Variants in WDR59 observed in about 807,000 individuals in gnomAD.
The protein encoded by WDR59 is WD repeat domain 59.
WDR59 carries 100 observed loss-of-function variants against 131.2 expected under a neutral mutation model. That is an observed-to-expected ratio of 0.76 (90% CI 0.65 to 0.90). WDR59 has a LOEUF of 0.90. Ranked by LOEUF, WDR59 falls within the 40% of genes least tolerant of loss-of-function variation. The probability of loss-of-function intolerance (pLI) is 0.00; values close to 1 mark genes in which losing one functional copy is unlikely to be tolerated. For synonymous variants in WDR59, 601 were observed against 466.2 expected (o/e 1.29, Z -3.72); for missense variants, 1,203 against 1,262.2 (o/e 0.95, Z 0.71).
intron 25 of WDR59, 97 bp downstream of exon 25, chr16:74,885,556 G>T: frequency 2.2e-6 from 3 of 1,348,118 alleles, no homozygotes; most frequent in Admixed American, 2.7e-5. Context: ...GCTTAGAAAT[G>T]AGAAGCTGAA....
intron 5 of WDR59, 106 bp from the exon 6 acceptor site, chr16:74,948,662 T>C: frequency 1.1e-6 from 1 of 939,456 alleles, no homozygotes; most frequent in Non-Finnish European, 1.7e-6. Context: ...CAGTGGGAAC[T>C]TGGAGTAGGT....
intron 1 of WDR59, among the ~76,000 whole-genome samples, chr16:74,979,597 G>A (rs553544378): frequency 1.3e-4 from 19 of 151,506 alleles, no homozygotes; most frequent in African/African-American, 4.6e-4. Context: ...CTGGAGTGCA[G>A]TGGCACGATC....
intron 4 of WDR59, 127 bp downstream of exon 4, chr16:74,951,331 G>A (rs921011779): frequency 1.3e-5 from 12 of 901,088 alleles, no homozygotes; most frequent in East Asian, 5.3e-5. Flanking sequence ...CTAATAACCC[G>A]CTGACCACCC....
chr16:74,959,172 A>C (rs749031391), intron 2 of WDR59, among the ~76,000 whole-genome samples: 2 of 152,190 alleles, frequency 1.3e-5, no homozygotes, highest in African/African-American at 2.4e-5. Context: ...GGGAAGTGGG[A>C]AGTGCTGCAC....
In WDR59 at chr16:74,947,135, G is replaced by T. The variant is rs116362061; in HGVS notation, c.445+1384C>A. On this transcript the variant is annotated intron_variant, in intron 6 of 25. Transcript: ENST00000262144. ...AGGTAGATCAGAATGTAACTACAAA[G>T]ACTTGGTTCATCCATGTTAAACAAC... Among the ~76,000 whole-genome samples, 635 of 152,316 alleles carry T rather than the reference G, an allele frequency of 4.2e-3. 2 individuals carry two copies. The highest frequency in any genetic ancestry group is 0.014 in the African/African-American group (601 of 41,568).
At chr16:74,906,182 C>T (rs898798961) in intron 17 of WDR59, among the ~76,000 whole-genome samples, 17 of 151,420 alleles carry the variant, frequency 1.1e-4, no homozygotes, top group African/African-American at 3.4e-4. Flanking sequence ...GGCGTGGTGG[C>T]GGGCGCCTAT....
intron 9 of WDR59, 100 bp from the exon 10 acceptor site, chr16:74,922,203 T>A: frequency 6.8e-7 from 1 of 1,474,604 alleles, no homozygotes; most frequent in Admixed American, 2.0e-5. Context: ...GTAAAATAAA[T>A]TAGATAATGG....
At position 74,956,466 on chromosome 16, in the gene WDR59, T is replaced by C. The variant is rs1326321602; in HGVS notation, c.240+9A>G. 4.3e-6 allele frequency: 7 copies of C among 1,613,154 alleles called. No individual in the cohort carries two copies. The Admixed American group carries it at 1.0e-4, about 23-fold the overall frequency. On this transcript the variant is annotated intron_variant, in intron 3 of 25. Transcript: ENST00000262144. ...ACAGCATTCTCCTGTATTCCTTAAA[T>C]AAGCTCACCGAAGCCGCAAAATAGT...
intron 4 of WDR59, among the ~76,000 whole-genome samples, chr16:74,950,240 T>A (rs1297708585): frequency 1.3e-5 from 2 of 152,068 alleles, no homozygotes; most frequent in Non-Finnish European, 2.9e-5. Context: ...TACTTGAGAA[T>A]CATTTGAACC....
intron 18 of WDR59, among the ~76,000 whole-genome samples, chr16:74,903,266 C>A (rs1178143440): frequency 6.6e-6 from 1 of 152,248 alleles, no homozygotes; most frequent in Non-Finnish European, 1.5e-5. Flanking sequence ...TTTAAAACAT[C>A]ATGTCAGCTA....
Position 74,887,755 on chromosome 16 carries a change from G to C in WDR59, c.2347C>G (p.Pro783Ala), listed in dbSNP as rs530312789. The change falls in exon 23 of 26, where the codon CCT (proline) becomes GCT (alanine). Residue 783 changes from proline to alanine, a missense_variant and splice_region_variant. Coordinates refer to ENST00000262144, the MANE Select transcript of WDR59 (RefSeq NM_030581.4). ...SNLVVSHSRYPSFTSSGSCSS... is the reference protein window; with the variant it reads ...SNLVVSHSRYASFTSSGSCSS... ...CAGGAACCAGAAGAGGTAAAGCTAG[G>C]CTACAGAAGGGAAGAGAAGAACCAA... 8 of 1,613,862 alleles carry C rather than the reference G, an allele frequency of 5.0e-6. No individual in the cohort carries two copies. In the East Asian group the frequency reaches 1.8e-4, roughly 36 times the overall value.
intron 25 of WDR59, among the ~76,000 whole-genome samples, chr16:74,876,319 A>C (rs918378325): frequency 1.3e-5 from 2 of 152,188 alleles, no homozygotes; most frequent in Non-Finnish European, 2.9e-5. Flanking sequence ...ATTATGTACA[A>C]ACTTTGGTTA....
chr16:74,960,030 G>C (rs2033483110), intron 2 of WDR59, among the ~76,000 whole-genome samples: 1 of 151,970 alleles, frequency 6.6e-6, no homozygotes, highest in Non-Finnish European at 1.5e-5. Flanking sequence ...TGAAAGTAGT[G>C]TTAGAAGCTA....
intron 1 of WDR59, among the ~76,000 whole-genome samples, chr16:74,980,031 T>C (rs766578322): frequency 1.3e-5 from 2 of 151,116 alleles, no homozygotes; most frequent in Non-Finnish European, 2.9e-5. Context: ...ATTGTATTTT[T>C]AGTATTTTTA....
At position 74,968,496 on chromosome 16, in the gene WDR59, G is replaced by A. The variant is rs148320263; in HGVS notation, c.55-2674C>T. Among the ~76,000 whole-genome samples, 457 of 152,204 alleles carry A rather than the reference G, an allele frequency of 3.0e-3. 1 individual carries two copies. Among genetic ancestry groups the A allele is most frequent in the African/African-American group, 4.7e-3 (197 of 41,516 alleles). The stretch of plus-strand genomic sequence containing the variant: ...AGCACTTTGGGAGGCCGAGGCAGGC[G>A]GATCACCTGAGGTAAGGAGTTCAAG... On this transcript the variant is annotated intron_variant, in intron 1 of 25. Transcript: ENST00000262144.
At chr16:74,899,301 A>G (rs958869008) in intron 18 of WDR59, among the ~76,000 whole-genome samples, 2 of 152,208 alleles carry the variant, frequency 1.3e-5, no homozygotes, top group Non-Finnish European at 2.9e-5. Context: ...AAGCAGAGAC[A>G]AAATAGTGGA....
chr16:74,914,466 G>T (rs563585075), intron 13 of WDR59, among the ~76,000 whole-genome samples: 3 of 152,154 alleles, frequency 2.0e-5, no homozygotes, highest in Admixed American at 1.3e-4. Context: ...ACCACATGTG[G>T]CAAATCTGGA....
chr16:74,888,189 C>T lies in WDR59; in HGVS notation c.2326G>A (p.Val776Met), dbSNP rs774264987. 5 of 1,609,918 alleles carry T rather than the reference C, an allele frequency of 3.1e-6. No homozygotes were observed. Among genetic ancestry groups the T allele is most frequent in the South Asian group, 2.2e-5 (2 of 90,470 alleles). ...GPFPNRSSNL[V>M]VSHSRYPSFT... ...CTTACATATCGACTATGGGACACCA[C>T]AAGATTAGAAGAACGGTTAGGAAAA... is the stretch of plus-strand genomic sequence containing the variant. Residue 776 changes from valine to methionine, a missense_variant, in exon 22 of 26, where the codon GTG becomes ATG. By Grantham distance (21) the Val-to-Met change is conservative (BLOSUM62 1). Coordinates refer to ENST00000262144, the MANE Select transcript of WDR59 (RefSeq NM_030581.4).
chr16:74,938,147 G>A lies in WDR59; in HGVS notation c.651+3C>T. ...CTCCAACTTCCCCATGGGTGCCACTGACCTTCACAGAATTGTCTTGACTGG... is the reference window on the plus strand; with the variant it reads ...CTCCAACTTCCCCATGGGTGCCACTAACCTTCACAGAATTGTCTTGACTGG... On this transcript the variant is annotated splice_donor_region_variant and intron_variant, in intron 8 of 25. Transcript: ENST00000262144. The A allele has an allele frequency of 6.6e-7, 1 of 1,526,112 alleles. No individual in the cohort carries two copies. 94.5% of individuals were successfully genotyped at this position (1,526,112 alleles called of 1,614,324 possible).
Sources: allele counts gnomAD v4.1 joint callset (sites outside exome capture counted in the v4.1 genomes callset), GRCh38; gene constraint gnomAD v4.1.1; transcripts MANE v1.5; gene names NCBI Gene and HGNC (gene_info 2026-07-23, HGNC 2026-07-21).